Variants in PLCB1 observed in about 807,000 individuals in gnomAD.
PLCB1 encodes the protein 1-phosphatidylinositol 4,5-bisphosphate phosphodiesterase beta-1.
Under a neutral mutation model 161.8 loss-of-function variants are expected in PLCB1, and 46 were observed. The ratio of observed to expected loss-of-function variants is 0.28; its 90% CI spans 0.22 to 0.36. The LOEUF (loss-of-function observed/expected upper bound fraction) is 0.36. Ranked by LOEUF, PLCB1 falls within the 10% of genes least tolerant of loss-of-function variation. The probability of loss-of-function intolerance (pLI) is 1.00; values close to 1 mark genes in which losing one functional copy is unlikely to be tolerated. For missense variants in PLCB1, 1,016 were observed against 1,472.5 expected (o/e 0.69, Z 5.07); for synonymous variants, 517 against 503.7 (o/e 1.03, Z -0.35).
intron 31 of PLCB1, among the ~76,000 whole-genome samples, chr20:8,857,394 T>G (rs1410077934): frequency 6.6e-6 from 1 of 152,238 alleles, no homozygotes; most frequent in Admixed American, 6.5e-5. Context: ...TTGTTAAATG[T>G]TGCTATAGTT....
At chr20:8,340,825 T>G (rs1355877434) in intron 2 of PLCB1, among the ~76,000 whole-genome samples, 1 of 152,230 alleles carries the variant, frequency 6.6e-6, no homozygotes, top group African/African-American at 2.4e-5. Context: ...GATGTTCCTG[T>G]GATCTCATGG....
chr20:8,624,271 A>G (rs1396446526), intron 3 of PLCB1, among the ~76,000 whole-genome samples: 1 of 152,214 alleles, frequency 6.6e-6, no homozygotes, highest in Non-Finnish European at 1.5e-5. Context: ...GATTGAGAAT[A>G]TTGCATTAAG....
At chr20:8,464,532 T>A (rs1326122703) in intron 3 of PLCB1, among the ~76,000 whole-genome samples, 1 of 152,200 alleles carries the variant, frequency 6.6e-6, no homozygotes, top group African/African-American at 2.4e-5. Context: ...GTGTCTAATC[T>A]GCTGATAAAA....
chr20:8,199,725 ATTAC>A (rs1427285663), intron 2 of PLCB1, among the ~76,000 whole-genome samples: 1 of 152,182 alleles, frequency 6.6e-6, no homozygotes. Context: ...TGCTTAAAAT[ATTAC>A]TTCTGAAATA....
At chr20:8,851,714 T>TG (rs1287859246) in intron 31 of PLCB1, among the ~76,000 whole-genome samples, 19 of 7,630 alleles carry the variant, frequency 2.5e-3, no homozygotes, top group Admixed American at 4.9e-3. Flanking sequence ...TTTTTTTGGT[T>TG]TTTTTTTTTT....
At chr20:8,529,610 C>T (rs538494227) in intron 3 of PLCB1, among the ~76,000 whole-genome samples, 12 of 130,018 alleles carry the variant, frequency 9.2e-5, no homozygotes, top group African/African-American at 3.4e-4. Flanking sequence ...GTCATTTTAA[C>T]GTTATTTTAT....
intron 31 of PLCB1, among the ~76,000 whole-genome samples, chr20:8,862,586 A>G (rs776447086): frequency 2.6e-5 from 4 of 152,214 alleles, no homozygotes; most frequent in Non-Finnish European, 5.9e-5. Flanking sequence ...TCCAGGTAGA[A>G]CTATTTAGAC....
intron 2 of PLCB1, among the ~76,000 whole-genome samples, chr20:8,233,729 T>C (rs773711799): frequency 1.1e-4 from 17 of 152,116 alleles, no homozygotes; most frequent in Non-Finnish European, 1.0e-4. Flanking sequence ...CCCACCACCC[T>C]GCTCCCTTCC....
At chr20:8,733,114 A>G in intron 18 of PLCB1, 124 bp from the exon 19 acceptor site, 7 of 954,118 alleles carry the variant, frequency 7.3e-6, no homozygotes, top group Non-Finnish European at 1.1e-5. Flanking sequence ...GCATTTCTAC[A>G]ATGACTCTCT....
At position 8,536,934 on chromosome 20, in the gene PLCB1, T is replaced by A. The variant is rs1985076881; in HGVS notation, c.247-91360T>A. ...GAACATTTGATTTCCAAGATTCCCA[T>A]AAGGTAGGGAGGGATATGCAATATA... On this transcript the variant is annotated intron_variant, in intron 3 of 31. Coordinates refer to ENST00000338037, the MANE Select transcript of PLCB1 (RefSeq NM_015192.4). 2.0e-5 allele frequency among the ~76,000 whole-genome samples: 3 copies of A among 152,090 alleles called. No homozygotes were observed. In the South Asian group the frequency reaches 6.2e-4, roughly 32 times the overall value.
At chr20:8,443,004 G>C (rs1454681403) in intron 3 of PLCB1, among the ~76,000 whole-genome samples, 2 of 149,500 alleles carry the variant, frequency 1.3e-5, no homozygotes, top group Non-Finnish European at 3.0e-5. Context: ...TTTTGAGATG[G>C]AGTCTCGTCC....
chr20:8,189,132 C>CT (rs1386133408), intron 2 of PLCB1, among the ~76,000 whole-genome samples: 39 of 151,544 alleles, frequency 2.6e-4, no homozygotes, highest in African/African-American at 8.9e-4. Context: ...ATCATGCAAT[C>CT]TTTTTTTTCT....
intron 2 of PLCB1, among the ~76,000 whole-genome samples, chr20:8,260,786 A>G (rs969519233): frequency 1.3e-5 from 2 of 152,098 alleles, no homozygotes; most frequent in African/African-American, 2.4e-5. Context: ...TATAACTTCT[A>G]TACCCAAGGC....
chr20:8,864,354 A>ATTGCAGTATACCATGTATG lies in PLCB1; in HGVS notation c.3424-17262_3424-17244dup, dbSNP rs562695803. Among the ~76,000 whole-genome samples the ATTGCAGTATACCATGTATG allele has an allele frequency of 2.0e-4, 30 of 152,314 alleles. No homozygotes were observed. The East Asian group carries it at 5.8e-3, about 29-fold the overall frequency. On this transcript the variant is annotated intron_variant, in intron 31 of 31. Transcript: ENST00000338037. ...TGTTGCATATAATTTTCCCATGTAT[A>ATTGCAGTATACCATGTATG]TTGCAGTATACCATGTATGTTGCAT... is the stretch of plus-strand genomic sequence containing the variant.
At chr20:8,821,795 G>A (rs1248604547) in intron 31 of PLCB1, among the ~76,000 whole-genome samples, 1 of 151,736 alleles carries the variant, frequency 6.6e-6, no homozygotes, top group Non-Finnish European at 1.5e-5. Flanking sequence ...TTCTCAGTAG[G>A]CGTCTACACA....
intron 23 of PLCB1, among the ~76,000 whole-genome samples, chr20:8,743,753 A>C (rs995997367): frequency 2.0e-5 from 3 of 152,194 alleles, no homozygotes; most frequent in Non-Finnish European, 4.4e-5. Flanking sequence ...AAGAATTTAA[A>C]TATTTGAAAA....
intron 2 of PLCB1, among the ~76,000 whole-genome samples, chr20:8,224,328 C>T (rs915917237): frequency 6.6e-6 from 1 of 152,144 alleles, no homozygotes; most frequent in African/African-American, 2.4e-5. Context: ...TCAGCACCCA[C>T]AGGGTTTTTA....
At chr20:8,519,213 T>C (rs1202988749) in intron 3 of PLCB1, among the ~76,000 whole-genome samples, 1 of 151,794 alleles carries the variant, frequency 6.6e-6, no homozygotes, top group Non-Finnish European at 1.5e-5. Flanking sequence ...GACACACTCC[T>C]TGCTTTCTCG....
At chr20:8,424,889 C>G (rs911247021) in intron 3 of PLCB1, among the ~76,000 whole-genome samples, 5 of 152,016 alleles carry the variant, frequency 3.3e-5, no homozygotes, top group Admixed American at 6.6e-5. Flanking sequence ...GGAATGGACT[C>G]GAGCCACAAG....
Sources: allele counts gnomAD v4.1 joint callset (sites outside exome capture counted in the v4.1 genomes callset), GRCh38; gene constraint gnomAD v4.1.1; transcripts MANE v1.5; gene names NCBI Gene and HGNC (gene_info 2026-07-23, HGNC 2026-07-21).